Variants in PCLO observed in about 807,000 individuals in gnomAD.
The protein encoded by PCLO is piccolo presynaptic cytomatrix protein.
A neutral mutation model predicts 427.5 loss-of-function variants in PCLO; 82 were observed. The observed-to-expected ratio is 0.19, with a 90% CI of 0.16 to 0.23. The LOEUF (loss-of-function observed/expected upper bound fraction) is 0.23, where lower values mean the gene tolerates loss of function less well. Ranked by LOEUF, PCLO falls within the 10% of genes least tolerant of loss-of-function variation. PCLO has a pLI of 1.00. For missense variants in PCLO, 6,239 were observed against 6,115.9 expected (o/e 1.02, Z -0.67); for synonymous variants, 2,357 against 2,155.4 (o/e 1.09, Z -2.59).
chr7:83,009,648 T>C (rs1159663805), intron 3 of PCLO, among the ~76,000 whole-genome samples: 3 of 151,866 alleles, frequency 2.0e-5, no homozygotes, highest in Non-Finnish European at 4.4e-5. Flanking sequence ...GACTTCTTGA[T>C]ATAAGCTATT....
At chr7:83,100,512 G>T (rs1790710948) in intron 3 of PCLO, among the ~76,000 whole-genome samples, 1 of 152,154 alleles carries the variant, frequency 6.6e-6, no homozygotes, top group African/African-American at 2.4e-5. Flanking sequence ...CTGGGATATG[G>T]GTGGAGCTGG....
Position 83,028,479 on chromosome 7 carries a change from C to CATTCCATG in PCLO, c.3301-62000_3301-61993dup, listed in dbSNP as rs1788565246. ...AAGAGGATACAAACAAATGGAAGAA[C>CATTCCATG]ATTCCATGCTCATGGGTAGGAAGAA... is the stretch of plus-strand genomic sequence containing the variant. On this transcript the variant is annotated intron_variant, in intron 3 of 24. Coordinates refer to ENST00000333891, the MANE Select transcript of PCLO (RefSeq NM_033026.6). 1.5e-5 allele frequency among the ~76,000 whole-genome samples: 2 copies of CATTCCATG among 131,774 alleles called. 1 individual carries two copies. The highest frequency in any genetic ancestry group is 5.7e-4 in the South Asian group (2 of 3,534). The allele number at this position is 131,774 out of a possible 152,430, so 86.4% of individuals were successfully genotyped here.
chr7:83,011,898 T>C (rs761235809), intron 3 of PCLO, among the ~76,000 whole-genome samples: 8 of 151,914 alleles, frequency 5.3e-5, no homozygotes, highest in Non-Finnish European at 1.2e-4. Flanking sequence ...TTCAGCATCT[T>C]CTGAATGACA....
intron 9 of PCLO, among the ~76,000 whole-genome samples, chr7:82,883,047 G>GT: frequency 6.6e-6 from 1 of 152,098 alleles, no homozygotes; most frequent in Non-Finnish European, 1.5e-5. Flanking sequence ...CTCATATCCT[G>GT]TATCTAAGCA....
intron 3 of PCLO, among the ~76,000 whole-genome samples, chr7:82,970,420 G>T (rs1355757199): frequency 2.0e-5 from 3 of 151,838 alleles, no homozygotes; most frequent in African/African-American, 7.3e-5. Flanking sequence ...GAGGCAGAAA[G>T]AAACTATTAG....
intron 22 of PCLO, among the ~76,000 whole-genome samples, chr7:82,786,999 G>A (rs9655918): frequency 0.34 from 52,238 of 151,760 alleles, 9,459 homozygotes; most frequent in African/African-American, 0.42. Flanking sequence ...ACTGATAGGC[G>A]TTTGGGTTGG....
At chr7:83,135,710 A>C in intron 2 of PCLO, 54 bp from the exon 3 acceptor site, 1 of 1,194,276 alleles carries the variant, frequency 8.4e-7, no homozygotes, top group Non-Finnish European at 1.2e-6. Flanking sequence ...AAACACAAAA[A>C]TGTTTTCAAA....
intron 3 of PCLO, among the ~76,000 whole-genome samples, chr7:83,025,012 A>T (rs921257305): frequency 6.6e-5 from 10 of 152,288 alleles, no homozygotes; most frequent in African/African-American, 2.4e-4. Context: ...GAAAAAACAG[A>T]ACAGAAAAAC....
chr7:82,906,511 T>C (rs1233223813), intron 8 of PCLO, among the ~76,000 whole-genome samples: 2 of 152,094 alleles, frequency 1.3e-5, no homozygotes, highest in Non-Finnish European at 1.5e-5. Flanking sequence ...AGCATGAATT[T>C]TGAATTTTAT....
chr7:82,823,547 G>A (rs1791852586), intron 19 of PCLO, among the ~76,000 whole-genome samples: 1 of 152,280 alleles, frequency 6.6e-6, no homozygotes, highest in Non-Finnish European at 1.5e-5. Flanking sequence ...GATTAATGTT[G>A]TGTTGTAGGA....
chr7:82,950,611 G>T lies in PCLO; in HGVS notation c.9977C>A (p.Ala3326Asp), dbSNP rs941231578. ...CTGCTCTGTAGTGGTTTGTGGAGAA[G>T]CAGTTCCAGAAGGGTCATAGTTATA... ...YQYNYDPSGT[A>D]SPQTTTEQAI... The change falls in exon 6 of 25, where the codon GCT becomes GAT. Residue 3326 changes from alanine to aspartate, a missense_variant. By Grantham distance (126) the Ala-to-Asp change is moderately radical (BLOSUM62 -2). Transcript: ENST00000333891. 1.2e-6 allele frequency: 2 copies of T among 1,613,738 alleles called. No individual in the cohort carries two copies. The highest frequency in any genetic ancestry group is 2.7e-5 in the African/African-American group (2 of 74,888).
chr7:83,057,335 T>C (rs1789410818), intron 3 of PCLO, among the ~76,000 whole-genome samples: 2 of 20,004 alleles, frequency 1.0e-4, no homozygotes, highest in Non-Finnish European at 2.1e-4. Context: ...TATATATATA[T>C]ATATATATAT....
chr7:82,869,093 T>C (rs1346632166), intron 10 of PCLO, among the ~76,000 whole-genome samples: 1 of 152,030 alleles, frequency 6.6e-6, no homozygotes, highest in Non-Finnish European at 1.5e-5. Context: ...GTTCAAAAAA[T>C]CCAGTGATTA....
At chr7:82,914,611 G>A (rs1461508672) in intron 7 of PCLO, 75 bp downstream of exon 7, 3 of 1,406,828 alleles carry the variant, frequency 2.1e-6, no homozygotes, top group Non-Finnish European at 2.0e-6. Flanking sequence ...CATCTCTGGA[G>A]AAGGGAAATT....
At chr7:82,970,197 T>C (rs1478148490) in intron 3 of PCLO, among the ~76,000 whole-genome samples, 1 of 151,962 alleles carries the variant, frequency 6.6e-6, no homozygotes, top group African/African-American at 2.4e-5. Context: ...TGCTTAGCTG[T>C]AAGGTAATGG....
At chr7:82,960,681 T>C (rs1447155630) in intron 4 of PCLO, among the ~76,000 whole-genome samples, 1 of 152,180 alleles carries the variant, frequency 6.6e-6, no homozygotes, top group African/African-American at 2.4e-5. Flanking sequence ...TTAATGCTAT[T>C]CAACAAACAT....
At chr7:83,162,322 C>T (rs754103791) in intron 1 of PCLO, 23 bp downstream of exon 1, 12 of 1,583,540 alleles carry the variant, frequency 7.6e-6, no homozygotes, top group Non-Finnish European at 1.0e-5. Context: ...TATGCCCGGA[C>T]ATATACATCA....
At chr7:82,949,445 T>C (rs757452369) in intron 6 of PCLO, 31 bp downstream of exon 6, 244 of 1,490,960 alleles carry the variant, frequency 1.6e-4, no homozygotes, top group Non-Finnish European at 9.1e-6. Context: ...AACTCATCCA[T>C]TGCCTTCCAA....
intron 3 of PCLO, among the ~76,000 whole-genome samples, chr7:83,117,543 T>C (rs1056549459): frequency 7.1e-4 from 108 of 152,340 alleles, no homozygotes; most frequent in African/African-American, 2.4e-3. Context: ...GCTGACATAC[T>C]ATCTCTCTCT....
Sources: allele counts gnomAD v4.1 joint callset (sites outside exome capture counted in the v4.1 genomes callset), GRCh38; gene constraint gnomAD v4.1.1; transcripts MANE v1.5; gene names NCBI Gene and HGNC (gene_info 2026-07-23, HGNC 2026-07-21).